The following TNR variants were observed in gnomAD, a reference collection of about 807,000 sequenced individuals.
The protein encoded by TNR is tenascin-R.
In TNR, 45 loss-of-function variants were observed where a neutral mutation model predicts 150.4. The ratio of observed to expected loss-of-function variants is 0.30; its 90% CI spans 0.24 to 0.38. The LOEUF (loss-of-function observed/expected upper bound fraction) is 0.38. TNR is among the 10% of genes least tolerant of loss of function. The pLI is 1.00. For missense variants in TNR, 1,544 were observed against 1,759.1 expected (o/e 0.88, Z 2.19); for synonymous variants, 687 against 678.4 (o/e 1.01, Z -0.20).
At chr1:175,727,145 G>T (rs1667502511) in intron 1 of TNR, among the ~76,000 whole-genome samples, 6 of 152,206 alleles carry the variant, frequency 3.9e-5, no homozygotes. Flanking sequence ...TGACCTTGTT[G>T]TCTACTTAAC....
intron 1 of TNR, among the ~76,000 whole-genome samples, chr1:175,535,973 A>G (rs1017585766): frequency 6.4e-4 from 98 of 152,162 alleles, no homozygotes; most frequent in African/African-American, 2.3e-3. Context: ...AATCACAGAT[A>G]TTTTTATATC....
intron 7 of TNR, among the ~76,000 whole-genome samples, chr1:175,386,597 A>G (rs980376550): frequency 2.0e-5 from 3 of 151,984 alleles, no homozygotes; most frequent in Admixed American, 1.3e-4. Context: ...GGCTTGAAAG[A>G]GTCAGCCCTG....
At chr1:175,471,580 T>C (rs1657293288) in intron 2 of TNR, among the ~76,000 whole-genome samples, 1 of 152,120 alleles carries the variant, frequency 6.6e-6, no homozygotes, top group African/African-American at 2.4e-5. Flanking sequence ...GCATAAAGGA[T>C]TTAAAAAATG....
chr1:175,376,321 C>G (rs1215127120), intron 9 of TNR, among the ~76,000 whole-genome samples: 1 of 152,216 alleles, frequency 6.6e-6, no homozygotes, highest in African/African-American at 2.4e-5. Flanking sequence ...AGAAGCACTA[C>G]CTTAAACTCG....
chr1:175,702,076 G>A (rs1320707614), intron 1 of TNR, among the ~76,000 whole-genome samples: 3 of 152,144 alleles, frequency 2.0e-5, no homozygotes, highest in African/African-American at 4.8e-5. Flanking sequence ...CTTCTATAAA[G>A]GGCAAGTCAA....
At chr1:175,506,440 G>A (rs1209466074) in intron 2 of TNR, among the ~76,000 whole-genome samples, 1 of 152,190 alleles carries the variant, frequency 6.6e-6, no homozygotes, top group East Asian at 1.9e-4. Flanking sequence ...ACTTGAGAAT[G>A]TGGCTGTTTT....
intron 2 of TNR, among the ~76,000 whole-genome samples, chr1:175,440,075 G>C (rs1173593341): frequency 2.0e-5 from 3 of 152,062 alleles, no homozygotes; most frequent in Admixed American, 6.6e-5. Context: ...CACATGCACA[G>C]GTATGTTTAT....
At chr1:175,662,794 C>T (rs1428887880) in intron 1 of TNR, among the ~76,000 whole-genome samples, 1 of 152,190 alleles carries the variant, frequency 6.6e-6, no homozygotes, top group African/African-American at 2.4e-5. Context: ...ACTGGTTTCC[C>T]TCAGGTTGGG....
chr1:175,573,258 C>T (rs1661959521), intron 1 of TNR, among the ~76,000 whole-genome samples: 1 of 152,250 alleles, frequency 6.6e-6, no homozygotes. Flanking sequence ...AACCTGCCTT[C>T]TGTTTTGTAC....
chr1:175,468,080 A>G lies in TNR; in HGVS notation c.-64+60189T>C, dbSNP rs1456383386. Among the ~76,000 whole-genome samples, 13 of 152,346 alleles carry G rather than the reference A, an allele frequency of 8.5e-5. No individual in the cohort carries two copies. The East Asian group carries it at 2.5e-3, about 29-fold the overall frequency. On this transcript the variant is annotated intron_variant, in intron 2 of 22. Transcript: ENST00000367674. ...TGGAGATGAAGGAGGAGATTTGCAG[A>G]GTAGCAGAAGCAACTGGAGTGGGAC...
At chr1:175,352,408 G>T (rs920253188) in intron 18 of TNR, among the ~76,000 whole-genome samples, 1 of 152,224 alleles carries the variant, frequency 6.6e-6, no homozygotes, top group South Asian at 2.1e-4. Flanking sequence ...TCTGTCATCT[G>T]TGTCCTTTTT....
intron 2 of TNR, among the ~76,000 whole-genome samples, chr1:175,468,468 A>G (rs1341288069): frequency 1.3e-5 from 2 of 152,168 alleles, no homozygotes; most frequent in Non-Finnish European, 2.9e-5. Flanking sequence ...TTGAGCACTT[A>G]TTACATGCAA....
chr1:175,466,388 C>T (rs1657036966), intron 2 of TNR, among the ~76,000 whole-genome samples: 1 of 152,172 alleles, frequency 6.6e-6, no homozygotes, highest in Non-Finnish European at 1.5e-5. Context: ...ATATGTAGAA[C>T]TCAGTTTCCC....
In TNR at chr1:175,379,736, C is replaced by T; in HGVS notation, c.1779G>A (p.Glu593=). 1.2e-6 allele frequency: 2 copies of T among 1,613,932 alleles called. No homozygotes were observed. Among genetic ancestry groups the T allele is most frequent in the Non-Finnish European group, 1.7e-6 (2 of 1,179,876 alleles). The change falls in exon 9 of 23, where the codon GAG becomes GAA. Residue 593 remains glutamate (E), a splice_region_variant and synonymous_variant. Coordinates refer to ENST00000367674, the MANE Select transcript of TNR (RefSeq NM_003285.3). ...CTCGCAAGTTCTTGGGGGCATCGATCTCTAAAAATAGACAGACATCACCAA... is the reference window on the plus strand; with the variant it reads ...CTCGCAAGTTCTTGGGGGCATCGATTTCTAAAAATAGACAGACATCACCAA... The part of the protein sequence containing the change: ...SDSATTQFTT[E]IDAPKNLRVG...
chr1:175,427,092 G>A (rs1467238853), intron 2 of TNR, among the ~76,000 whole-genome samples: 1 of 149,518 alleles, frequency 6.7e-6, no homozygotes, highest in South Asian at 2.1e-4. Context: ...CCACTGACCT[G>A]CACAATGCCA....
intron 2 of TNR, among the ~76,000 whole-genome samples, chr1:175,442,189 T>C (rs980084743): frequency 6.6e-6 from 1 of 152,198 alleles, no homozygotes; most frequent in Non-Finnish European, 1.5e-5. Context: ...TAATATCTTA[T>C]TTTTCACTTG....
Position 175,359,074 on chromosome 1 carries a change from A to G in TNR, c.2974+538T>C, listed in dbSNP as rs555449956. ...GCCCTTGGTTACATGCCTTTCTTGT[A>G]CCTTTCAGATTCAGCTTTCTCAGCT... is the stretch of plus-strand genomic sequence containing the variant. On this transcript the variant is annotated intron_variant, in intron 15 of 22. Transcript: ENST00000367674. Among the ~76,000 whole-genome samples the G allele has an allele frequency of 1.1e-4, 16 of 140,010 alleles. 1 individual carries two copies. In the Middle Eastern group the frequency reaches 0.013, roughly 110 times the overall value. The allele number at this position is 140,010 out of a possible 152,430, so 91.9% of individuals were successfully genotyped here. A position where few individuals can be genotyped will look rare whatever the true frequency, so the allele number is the denominator to read the frequency against.
chr1:175,464,613 AG>A (rs1403660180), intron 2 of TNR, among the ~76,000 whole-genome samples: 2 of 152,178 alleles, frequency 1.3e-5, no homozygotes, highest in African/African-American at 4.8e-5. Context: ...GGCTGAGCAA[AG>A]GTTATGAACA....
chr1:175,469,826 G>A (rs1441537124), intron 2 of TNR, among the ~76,000 whole-genome samples: 2 of 152,040 alleles, frequency 1.3e-5, no homozygotes, highest in Non-Finnish European at 2.9e-5. Context: ...AGATTGGAGT[G>A]AAGCACTATT....
Sources: allele counts gnomAD v4.1 joint callset (sites outside exome capture counted in the v4.1 genomes callset), GRCh38; gene constraint gnomAD v4.1.1; transcripts MANE v1.5; gene names NCBI Gene and HGNC (gene_info 2026-07-23, HGNC 2026-07-21).